TRIO: variants seen among roughly 807,000 people sequenced by gnomAD.
The protein encoded by TRIO is triple functional domain protein.
TRIO carries 58 observed loss-of-function variants against 351.9 expected under a neutral mutation model. The observed-to-expected ratio is 0.16, with a 90% CI of 0.13 to 0.21. The LOEUF (loss-of-function observed/expected upper bound fraction) is 0.21, where lower values mean the gene tolerates loss of function less well. TRIO is among the 10% of genes least tolerant of loss of function. TRIO has a pLI of 1.00. For synonymous variants in TRIO, 1,758 were observed against 1,595.7 expected, an observed-to-expected ratio of 1.10 and a Z score of -2.42; for missense variants, 3,201 against 4,027.8, an observed-to-expected ratio of 0.79 and a Z score of 5.56.
At chr5:14,324,102 A>C (rs4702028) in intron 9 of TRIO, among the ~76,000 whole-genome samples, 25,733 of 152,212 alleles carry the variant, frequency 0.17, 2,513 homozygotes, top group Admixed American at 0.26. Flanking sequence ...GATTTAAATA[A>C]AAGACAGTGA....
chr5:14,406,658 C>T lies in TRIO; in HGVS notation c.4945C>T (p.Leu1649=). The T allele has an allele frequency of 6.2e-7, 1 of 1,613,968 alleles. No individual in the cohort carries two copies. The highest frequency in any genetic ancestry group is 8.5e-7 in the Non-Finnish European group (1 of 1,179,908). ...SIASRTSQNT[L]DSDKLSGGCE... is the part of the protein sequence containing the mutation. ...CGCCTCACGGACGTCTCAGAACACGCTGGACAGCGATAAGGTGAGTCACTG... is the reference window on the plus strand; with the variant it reads ...CGCCTCACGGACGTCTCAGAACACGTTGGACAGCGATAAGGTGAGTCACTG... The change falls in exon 33 of 57, where the codon CTG becomes TTG. Residue 1649 remains leucine, a synonymous_variant. Coordinates refer to ENST00000344204, the MANE Select transcript of TRIO (RefSeq NM_007118.4).
At chr5:14,182,957 G>C (rs912568236) in intron 1 of TRIO, among the ~76,000 whole-genome samples, 2 of 151,814 alleles carry the variant, frequency 1.3e-5, no homozygotes, top group African/African-American at 4.9e-5. Flanking sequence ...TGGCTGTAGC[G>C]CATCATCCTT....
Position 14,291,169 on chromosome 5 carries a change from A to G in TRIO, c.994A>G (p.Arg332Gly), listed in dbSNP as rs1276669173. Residue 332 changes from arginine to glycine, a missense_variant, in exon 5 of 57, where the codon AGG becomes GGG. Arg to Gly is a moderately radical substitution (Grantham distance 125). Coordinates refer to ENST00000344204, the MANE Select transcript of TRIO (RefSeq NM_007118.4). ...RQHLHQMWHV[R>G]KLKLDQCFQL... is the part of the protein sequence containing the mutation. ...GCATCTGCACCAGATGTGGCATGTG[A>G]GGAAGCTGAAGCTGGACCAGTGCTT... 7 of 1,614,058 alleles carry G rather than the reference A, an allele frequency of 4.3e-6. No individual in the cohort carries two copies. Among genetic ancestry groups the G allele is most frequent in the African/African-American group, 1.3e-5 (1 of 74,922 alleles).
At chr5:14,321,036 G>C (rs1739833193) in intron 9 of TRIO, among the ~76,000 whole-genome samples, 1 of 152,182 alleles carries the variant, frequency 6.6e-6, no homozygotes, top group Non-Finnish European at 1.5e-5. Context: ...GTGTTCCTGA[G>C]AGCTTTTTCT....
At chr5:14,465,856 C>T (rs1579738411) in intron 37 of TRIO, 1 of 567,958 alleles carries the variant, frequency 1.8e-6, no homozygotes, top group South Asian at 2.0e-5. Context: ...AGTGTATTCC[C>T]ATGAAAGGAC....
chr5:14,165,253 G>GT (rs1464192473), intron 1 of TRIO, among the ~76,000 whole-genome samples: 1 of 152,224 alleles, frequency 6.6e-6, no homozygotes, highest in Non-Finnish European at 1.5e-5. Flanking sequence ...CTGATGCGTA[G>GT]TTTTTAAACC....
At chr5:14,238,920 A>G (rs1793953950) in intron 1 of TRIO, among the ~76,000 whole-genome samples, 1 of 152,220 alleles carries the variant, frequency 6.6e-6, no homozygotes, top group African/African-American at 2.4e-5. Context: ...TCTCATGGAA[A>G]ATAAGTATAA....
chr5:14,497,924 G>A lies in TRIO; in HGVS notation c.8047+50G>A, dbSNP rs746218060. ...GTCCTAGAGATGATTCTAGACCTGT[G>A]GGGCATGTTTCAGAGCACTTGAGTG... On this transcript the variant is annotated intron_variant, in intron 51 of 56. Transcript: ENST00000344204. The surrounding 1 kb of genome is among the most constrained non-coding windows in gnomAD (Gnocchi z 4.4). 7 of 1,613,356 alleles carry A rather than the reference G, an allele frequency of 4.3e-6. No individual in the cohort carries two copies. In the Admixed American group the frequency reaches 1.0e-4, roughly 23 times the overall value.
At chr5:14,234,839 T>C (rs529017226) in intron 1 of TRIO, among the ~76,000 whole-genome samples, 1 of 152,366 alleles carries the variant, frequency 6.6e-6, no homozygotes, top group Admixed American at 6.5e-5. Context: ...AAATGACTTA[T>C]TTTAAAATTT....
chr5:14,233,480 ACT>A (rs1031668972), intron 1 of TRIO, among the ~76,000 whole-genome samples: 2 of 150,970 alleles, frequency 1.3e-5, no homozygotes, highest in Non-Finnish European at 3.0e-5. Context: ...ACAGAATGAG[ACT>A]CTCTGTCAAA....
intron 34 of TRIO, among the ~76,000 whole-genome samples, chr5:14,424,906 G>A (rs1033802956): frequency 2.0e-5 from 3 of 152,088 alleles, no homozygotes; most frequent in East Asian, 1.9e-4. Context: ...TTGTCCACCC[G>A]AATAGTTTAC....
intron 25 of TRIO, 90 bp from the exon 26 acceptor site, chr5:14,390,141 G>C: frequency 9.4e-6 from 11 of 1,176,250 alleles, no homozygotes; most frequent in Non-Finnish European, 1.3e-5. Flanking sequence ...CATTCTTTAG[G>C]GGGCACAGAT....
At chr5:14,355,470 C>A (rs1230438966) in intron 11 of TRIO, among the ~76,000 whole-genome samples, 1 of 152,202 alleles carries the variant, frequency 6.6e-6, no homozygotes, top group Non-Finnish European at 1.5e-5. Context: ...TTCCTAGGAT[C>A]CCTGTTTTAG....
At chr5:14,339,790 A>G in intron 11 of TRIO, among the ~76,000 whole-genome samples, 1 of 152,230 alleles carries the variant, frequency 6.6e-6, no homozygotes, top group East Asian at 1.9e-4. Context: ...GCTGTACAAA[A>G]GCCCTGAAAC....
chr5:14,445,074 T>C (rs1752337870), intron 34 of TRIO, among the ~76,000 whole-genome samples: 1 of 152,158 alleles, frequency 6.6e-6, no homozygotes, highest in Non-Finnish European at 1.5e-5. Flanking sequence ...GGAACACAAA[T>C]TTATAGTTTT....
At chr5:14,432,041 G>A (rs945840062) in intron 34 of TRIO, among the ~76,000 whole-genome samples, 4 of 152,116 alleles carry the variant, frequency 2.6e-5, no homozygotes, top group South Asian at 2.1e-4. Context: ...TGGATTTTAG[G>A]GGGACACACT....
At chr5:14,166,377 T>C (rs1262898591) in intron 1 of TRIO, among the ~76,000 whole-genome samples, 1 of 152,262 alleles carries the variant, frequency 6.6e-6, no homozygotes, top group African/African-American at 2.4e-5. Flanking sequence ...TTTTGTCTGA[T>C]TTAAAATTTG....
At chr5:14,233,908 A>G (rs572817522) in intron 1 of TRIO, among the ~76,000 whole-genome samples, 1 of 152,198 alleles carries the variant, frequency 6.6e-6, no homozygotes, top group Admixed American at 6.5e-5. Flanking sequence ...CTTTCACCTC[A>G]GCCTCCTGAG....
intron 6 of TRIO, among the ~76,000 whole-genome samples, chr5:14,294,382 A>T (rs1371405811): frequency 6.6e-6 from 1 of 152,216 alleles, no homozygotes; most frequent in Non-Finnish European, 1.5e-5. Flanking sequence ...AAGTAAGAGA[A>T]TTTCTGGTTC....
Sources: allele counts gnomAD v4.1 joint callset (sites outside exome capture counted in the v4.1 genomes callset), GRCh38; gene constraint gnomAD v4.1.1; non-coding constraint Gnocchi (gnomAD v3.1); transcripts MANE v1.5; gene names NCBI Gene and HGNC (gene_info 2026-07-23, HGNC 2026-07-21).